Variants in IL1RAPL1 observed in about 807,000 individuals in gnomAD.
IL1RAPL1 encodes the protein interleukin 1 receptor accessory protein like 1.
Under a neutral mutation model 48.4 loss-of-function variants are expected in IL1RAPL1, and 3 were observed. The ratio of observed to expected loss-of-function variants is 0.06; its 90% confidence interval spans 0.03 to 0.16. IL1RAPL1 has a LOEUF of 0.16. Among genes scored for constraint, IL1RAPL1 ranks in the 10% least tolerant of loss-of-function variants. IL1RAPL1 has a pLI of 1.00. For synonymous variants in IL1RAPL1, 185 were observed against 187.7 expected, an observed-to-expected ratio of 0.99 and a Z score of 0.12; for missense variants, 349 against 530.6, an observed-to-expected ratio of 0.66 and a Z score of 3.36.
chrX:28,955,877 G>A lies in IL1RAPL1; in HGVS notation c.82+166452G>A, dbSNP rs1286170307. On this transcript the variant is annotated intron_variant, in intron 2 of 10. Transcript: ENST00000378993. ...TCTTGGGCAGTATGGCCATTTTCAC[G>A]ATATTGATTCTTCCTACCCATGAGC... 4.7e-5 allele frequency among the ~76,000 whole-genome samples: 3 copies of A among 63,764 alleles called. 1 individual carries two copies. Among genetic ancestry groups the A allele is most frequent in the Admixed American group, 1.5e-4 (1 of 6,705 alleles). 55.4% of individuals were successfully genotyped at this position (63,764 alleles called of 115,157 possible).
intron 1 of IL1RAPL1, among the ~76,000 whole-genome samples, chrX:28,774,557 A>G (rs1287815356): frequency 9.0e-6 from 1 of 111,697 alleles, no homozygotes; most frequent in East Asian, 2.8e-4. Context: ...TCTTTTCCAT[A>G]GGGCAGCTCT....
intron 2 of IL1RAPL1, among the ~76,000 whole-genome samples, chrX:29,216,855 A>G (rs934816439): frequency 1.8e-5 from 2 of 111,876 alleles, no homozygotes; most frequent in African/African-American, 6.5e-5. Context: ...TGGTAGTACC[A>G]GTTCCTCTGC....
intron 1 of IL1RAPL1, among the ~76,000 whole-genome samples, chrX:28,705,672 A>G (rs1935367199): frequency 9.0e-6 from 1 of 111,484 alleles, no homozygotes; most frequent in African/African-American, 3.3e-5. Context: ...AAACATCCCA[A>G]TGCATCTCAG....
chrX:29,613,554 A>G (rs1477434891), intron 5 of IL1RAPL1, among the ~76,000 whole-genome samples: 2 of 111,028 alleles, frequency 1.8e-5, no homozygotes, highest in African/African-American at 3.3e-5. Flanking sequence ...GCCATGAACT[A>G]TTTGCCTAGG....
At chrX:28,936,142 C>T (rs762470749) in intron 2 of IL1RAPL1, among the ~76,000 whole-genome samples, 2 of 111,133 alleles carry the variant, frequency 1.8e-5, no homozygotes, top group African/African-American at 6.5e-5. Flanking sequence ...AGTCTCTATC[C>T]CTCATGCTGA....
chrX:29,337,481 G>A (rs960391500), intron 3 of IL1RAPL1, among the ~76,000 whole-genome samples: 3 of 111,172 alleles, frequency 2.7e-5, no homozygotes, highest in Non-Finnish European at 3.8e-5. Context: ...TAAAATAGGC[G>A]TCTTGCAGCT....
At chrX:28,640,025 A>G (rs966193108) in intron 1 of IL1RAPL1, among the ~76,000 whole-genome samples, 4 of 111,761 alleles carry the variant, frequency 3.6e-5, no homozygotes, top group African/African-American at 1.3e-4. Context: ...GCAGATCACT[A>G]ATTGTGTCCA....
intron 5 of IL1RAPL1, among the ~76,000 whole-genome samples, chrX:29,503,454 GA>G (rs1935296119): frequency 9.0e-6 from 1 of 110,701 alleles, no homozygotes; most frequent in Admixed American, 9.6e-5. Context: ...TTGTTTATTT[GA>G]AGTCTTTCTA....
chrX:28,711,121 G>A (rs998205529), intron 1 of IL1RAPL1, among the ~76,000 whole-genome samples: 11 of 112,009 alleles, frequency 9.8e-5, no homozygotes, highest in African/African-American at 2.3e-4. Flanking sequence ...AGGCTGTTGC[G>A]CCAATCCAGG....
intron 6 of IL1RAPL1, among the ~76,000 whole-genome samples, chrX:29,899,386 T>G (rs2147225492): frequency 9.0e-6 from 1 of 110,994 alleles, no homozygotes; most frequent in East Asian, 2.8e-4. Context: ...AATACCAGGA[T>G]TAGTTTCAAG....
intron 5 of IL1RAPL1, among the ~76,000 whole-genome samples, chrX:29,442,238 A>C (rs1334251175): frequency 9.0e-6 from 1 of 111,656 alleles, no homozygotes; most frequent in Non-Finnish European, 1.9e-5. Context: ...CAGAATAGAG[A>C]ACCCAGAAGT....
chrX:28,784,888 A>G (rs1936459598), intron 1 of IL1RAPL1, among the ~76,000 whole-genome samples: 1 of 111,349 alleles, frequency 9.0e-6, no homozygotes, highest in Non-Finnish European at 1.9e-5. Flanking sequence ...CTTTTGCCTC[A>G]GTTTACATAT....
intron 1 of IL1RAPL1, among the ~76,000 whole-genome samples, chrX:28,727,225 A>G (rs1453969609): frequency 9.1e-6 from 1 of 109,803 alleles, no homozygotes; most frequent in Non-Finnish European, 1.9e-5. Flanking sequence ...AGTGGTTTGT[A>G]GTTCTCCTTG....
chrX:28,629,037 G>A (rs182121941), intron 1 of IL1RAPL1, among the ~76,000 whole-genome samples: 5 of 111,324 alleles, frequency 4.5e-5, no homozygotes, highest in African/African-American at 9.8e-5. Flanking sequence ...TAAATAATAT[G>A]TATTATCATT....
At chrX:29,648,311 T>C (rs1269041228) in intron 5 of IL1RAPL1, among the ~76,000 whole-genome samples, 1 of 111,947 alleles carries the variant, frequency 8.9e-6, no homozygotes, top group African/African-American at 3.2e-5. Flanking sequence ...ATACAGAACA[T>C]TCCATCCAAC....
At chrX:28,730,009 G>A (rs1186399282) in intron 1 of IL1RAPL1, among the ~76,000 whole-genome samples, 1 of 111,445 alleles carries the variant, frequency 9.0e-6, no homozygotes, top group Non-Finnish European at 1.9e-5. Flanking sequence ...ATTATGACTT[G>A]AAATTATCTT....
intron 5 of IL1RAPL1, among the ~76,000 whole-genome samples, chrX:29,619,916 C>A (rs1346561994): frequency 9.0e-6 from 1 of 111,438 alleles, no homozygotes; most frequent in Non-Finnish European, 1.9e-5. Context: ...ATTTTTTGGA[C>A]AATTTTCCCT....
chrX:29,801,005 A>AC (rs1269583798), intron 6 of IL1RAPL1, among the ~76,000 whole-genome samples: 1 of 37,318 alleles, frequency 2.7e-5, no homozygotes, highest in Non-Finnish European at 5.1e-5. Context: ...CGTCTCAAAA[A>AC]AAAAAAAAAA....
chrX:28,771,326 AACC>A (rs1306105867), intron 1 of IL1RAPL1, among the ~76,000 whole-genome samples: 1 of 112,457 alleles, frequency 8.9e-6, no homozygotes, highest in Admixed American at 9.4e-5. Context: ...GAAAATAGTC[AACC>A]AAGCAGATTT....
Sources: gnomAD v4.1 joint callset for allele counts (sites outside exome capture counted in the v4.1 genomes callset) on GRCh38, gnomAD v4.1.1 for gene constraint, MANE v1.5 for transcripts, NCBI Gene and HGNC (gene_info 2026-07-23, HGNC 2026-07-21) for gene names.